The following CRTC3 variants were observed in gnomAD, a reference collection of about 807,000 sequenced individuals.
CRTC3 encodes the protein CREB regulated transcription coactivator 3.
CRTC3 carries 26 observed loss-of-function variants against 74.5 expected under a neutral mutation model. The ratio of observed to expected loss-of-function variants is 0.35; its 90% CI spans 0.26 to 0.48. CRTC3 has a LOEUF of 0.48. Ranked by LOEUF, CRTC3 falls within the 20% of genes least tolerant of loss-of-function variation. CRTC3 has a pLI of 0.99. For missense variants in CRTC3, 760 were observed against 787.3 expected, an observed-to-expected ratio of 0.97 and a Z score of 0.41; for synonymous variants, 377 against 325.8, an observed-to-expected ratio of 1.16 and a Z score of -1.69.
intron 2 of CRTC3, among the ~76,000 whole-genome samples, chr15:90,544,139 A>G (rs1966840123): frequency 6.6e-6 from 1 of 152,180 alleles, no homozygotes; most frequent in Non-Finnish European, 1.5e-5. Flanking sequence ...AGCACCATGA[A>G]TGCTCTGGGG....
chr15:90,577,746 G>A (rs1222530696), intron 2 of CRTC3, among the ~76,000 whole-genome samples: 3 of 152,102 alleles, frequency 2.0e-5, no homozygotes, highest in Non-Finnish European at 4.4e-5. Context: ...TGGAACTGGA[G>A]GCCATTTATG....
At chr15:90,616,887 A>G (rs1391760067) in intron 7 of CRTC3, among the ~76,000 whole-genome samples, 5 of 151,846 alleles carry the variant, frequency 3.3e-5, no homozygotes, top group African/African-American at 1.2e-4. Context: ...TTTGTCCCCC[A>G]TTTCCATCCC....
At chr15:90,618,028 T>G (rs1280435852) in intron 8 of CRTC3, 60 bp downstream of exon 8, 1 of 1,112,884 alleles carries the variant, frequency 9.0e-7, no homozygotes, top group East Asian at 2.4e-5. Context: ...TAGAGGTCAT[T>G]GAAAAATCCT....
At chr15:90,560,192 A>T (rs1966981517) in intron 2 of CRTC3, among the ~76,000 whole-genome samples, 1 of 152,034 alleles carries the variant, frequency 6.6e-6, no homozygotes, top group Non-Finnish European at 1.5e-5. Flanking sequence ...GAGAATAGGG[A>T]TTTATTCATT....
At position 90,638,560 on chromosome 15, in the gene CRTC3, C is replaced by G; in HGVS notation, c.1381C>G (p.Gln461Glu). 6.2e-7 allele frequency: 1 copy of G among 1,613,142 alleles called. No homozygotes were observed. The highest frequency in any genetic ancestry group is 8.5e-7 in the Non-Finnish European group (1 of 1,179,840). The change falls in exon 12 of 15, where the codon CAG becomes GAG. Residue 461 changes from glutamine to glutamate, a missense_variant. This residue lies in a region of CRTC3 where 652 missense variants were observed against 635.2 expected (regional missense o/e 1.03). Coordinates refer to ENST00000268184, the MANE Select transcript of CRTC3 (RefSeq NM_022769.5). The stretch of plus-strand genomic sequence containing the variant: ...GGAGCTCACCCAGCCCCTCCTGCAG[C>G]AGCCCCGCGCCCCTGAGGCCCCTGC... ...PQELTQPLLQ[Q>E]PRAPEAPAQQ...
chr15:90,557,041 A>G (rs1335924277), intron 2 of CRTC3, among the ~76,000 whole-genome samples: 4 of 150,790 alleles, frequency 2.7e-5, no homozygotes, highest in African/African-American at 9.8e-5. Context: ...TAATCAAATT[A>G]TCAGACCGAG....
intron 2 of CRTC3, among the ~76,000 whole-genome samples, chr15:90,554,581 A>G (rs908227268): frequency 2.0e-5 from 3 of 152,144 alleles, no homozygotes; most frequent in African/African-American, 7.2e-5. Context: ...TGACACCTCT[A>G]TTGCCACAAC....
chr15:90,623,019 G>T (rs1236308483), intron 9 of CRTC3, among the ~76,000 whole-genome samples: 3 of 152,058 alleles, frequency 2.0e-5, no homozygotes, highest in African/African-American at 4.8e-5. Context: ...GTGAGGCGAG[G>T]CTGGCAGGAG....
intron 7 of CRTC3, among the ~76,000 whole-genome samples, chr15:90,615,894 C>T (rs1042259654): frequency 6.6e-6 from 1 of 151,460 alleles, no homozygotes; most frequent in East Asian, 1.9e-4. Context: ...GAGTCTCGCT[C>T]TGTCGCCAGG....
intron 10 of CRTC3, among the ~76,000 whole-genome samples, chr15:90,628,490 G>C (rs1434040659): frequency 6.6e-6 from 1 of 152,180 alleles, no homozygotes; most frequent in East Asian, 1.9e-4. Flanking sequence ...CAGGTGCTGA[G>C]GATCCAGCAG....
intron 9 of CRTC3, among the ~76,000 whole-genome samples, chr15:90,625,482 A>G (rs1216832076): frequency 2.0e-5 from 3 of 152,248 alleles, no homozygotes; most frequent in African/African-American, 7.2e-5. Flanking sequence ...CTCACATTTT[A>G]TAGAGTGGTT....
At chr15:90,605,495 A>G (rs1284299872) in intron 5 of CRTC3, among the ~76,000 whole-genome samples, 1 of 152,212 alleles carries the variant, frequency 6.6e-6, no homozygotes, top group African/African-American at 2.4e-5. Flanking sequence ...TGCCGCTATT[A>G]CACTTAACAA....
chr15:90,644,406 C>T lies in CRTC3; in HGVS notation c.*2266C>T, dbSNP rs143143853. ...CAGCATAGTCACTCTTCACATAGTGCCTTACCCATGGGTATCGTCATATCC... is the reference window on the plus strand; with the variant it reads ...CAGCATAGTCACTCTTCACATAGTGTCTTACCCATGGGTATCGTCATATCC... On this transcript the variant is annotated 3_prime_UTR_variant, in exon 15 of 15. Coordinates refer to ENST00000268184, the MANE Select transcript of CRTC3 (RefSeq NM_022769.5). 3.2e-4 allele frequency: 73 copies of T among 231,086 alleles called. No homozygotes were observed. The East Asian group carries it at 3.9e-3, about 12-fold the overall frequency. The allele number at this position is 231,086 out of a possible 1,614,324, so 14.3% of individuals were successfully genotyped here.
At chr15:90,569,579 C>CT (rs1967213271) in intron 2 of CRTC3, among the ~76,000 whole-genome samples, 2 of 91,258 alleles carry the variant, frequency 2.2e-5, no homozygotes, top group South Asian at 3.9e-4. Flanking sequence ...TGGTATACGT[C>CT]TTTTTTGCTT....
At position 90,638,139 on chromosome 15, in the gene CRTC3, C is replaced by T. The variant is rs190647918; in HGVS notation, c.1267-307C>T. On this transcript the variant is annotated intron_variant, in intron 11 of 14. Transcript: ENST00000268184. ...ATTTTCCACTTTTAACCAGAAGACA[C>T]GGCTATAAAACAAAACAAAACATGA... is the stretch of plus-strand genomic sequence containing the variant. The T allele has an allele frequency of 8.1e-5, 22 of 271,836 alleles. 1 individual carries two copies. Among genetic ancestry groups the T allele is most frequent in the Admixed American group, 3.6e-4 (7 of 19,504 alleles). The allele number at this position is 271,836 out of a possible 1,614,324, so 16.8% of individuals were successfully genotyped here.
chr15:90,530,128 C>T lies in CRTC3; in HGVS notation c.57C>T (p.Ile19=), dbSNP rs1966599977. 1 of 1,460,446 alleles carries T rather than the reference C, an allele frequency of 6.8e-7. No homozygotes were observed. Among genetic ancestry groups the T allele is most frequent in the African/African-American group, 1.5e-5 (1 of 67,556 alleles). The allele number at this position is 1,460,446 out of a possible 1,614,324, so 90.5% of individuals were successfully genotyped here. ...SANPRKFSEK[I]ALHTQRQAEE... ...ACCCGCGGAAGTTCAGTGAGAAGATCGCGCTGCACACGCAGAGACAGGCCG... is the reference window on the plus strand; with the variant it reads ...ACCCGCGGAAGTTCAGTGAGAAGATTGCGCTGCACACGCAGAGACAGGCCG... Residue 19 remains isoleucine (I), a synonymous_variant, in exon 1 of 15, where the codon ATC becomes ATT. Coordinates refer to ENST00000268184, the MANE Select transcript of CRTC3 (RefSeq NM_022769.5). This position sits in a 1 kb window ranked among gnomAD's most constrained non-coding sequence, Gnocchi z 6.2.
At chr15:90,635,443 G>A (rs1029890849) in intron 11 of CRTC3, among the ~76,000 whole-genome samples, 20 of 152,042 alleles carry the variant, frequency 1.3e-4, no homozygotes, top group Admixed American at 1.3e-3. Context: ...TCAGGAGTTC[G>A]AGACCAGCCT....
At chr15:90,542,147 A>G (rs1966812944) in intron 2 of CRTC3, among the ~76,000 whole-genome samples, 1 of 149,950 alleles carries the variant, frequency 6.7e-6, no homozygotes, top group South Asian at 2.1e-4. Context: ...AACAGTCACA[A>G]ACTTACACAA....
Position 90,620,043 on chromosome 15 carries a change from G to C in CRTC3, c.749+253G>C, listed in dbSNP as rs533700839. 20 of 448,854 alleles carry C rather than the reference G, an allele frequency of 4.5e-5. No homozygotes were observed. In the South Asian group the frequency reaches 5.0e-4, roughly 11 times the overall value. The allele number at this position is 448,854 out of a possible 1,614,324, so 27.8% of individuals were successfully genotyped here. On this transcript the variant is annotated intron_variant, in intron 9 of 14. Transcript: ENST00000268184. ...TTTGAGAATCACACAACTGACTCTT[G>C]GTAAATACACAACTCTCCGGGTAGA...
Sources: allele counts gnomAD v4.1 joint callset (sites outside exome capture counted in the v4.1 genomes callset), GRCh38; gene constraint gnomAD v4.1.1; regional missense constraint gnomAD v4.1.1; non-coding constraint Gnocchi (gnomAD v3.1); transcripts MANE v1.5; gene names NCBI Gene and HGNC (gene_info 2026-07-23, HGNC 2026-07-21).